The following MMUT variants were observed in gnomAD, a reference collection of about 807,000 sequenced individuals.
The protein encoded by MMUT is methylmalonyl-CoA mutase.
A neutral mutation model predicts 79.9 loss-of-function variants in MMUT; 79 were observed. The observed-to-expected ratio is 0.99, with a 90% CI of 0.82 to 1.19. MMUT has a LOEUF of 1.19. Ranked by LOEUF, MMUT falls within the 50% of genes most tolerant of loss-of-function variation. MMUT has a pLI of 0.00. For missense variants in MMUT, 860 were observed against 917.2 expected (o/e 0.94, Z 0.81); for synonymous variants, 273 against 295.7 (o/e 0.92, Z 0.79).
Position 49,458,050 on chromosome 6 carries a change from G to A in MMUT, c.394C>T (p.Gln132Ter), listed in dbSNP as rs1554160743. Reference protein sequence around the residue: ...FYKDNIKAGQQGLSVAFDLAT... With the variant: ...FYKDNIKAGQ Reference sequence around the variant, plus strand: ...AGATCAAAGGCAACTGATAATCCCTGCTGACCAGCTAAATATATAAAGAAA... The same window carrying A: ...AGATCAAAGGCAACTGATAATCCCTACTGACCAGCTAAATATATAAAGAAA... The change falls in exon 3 of 13, where the codon CAG (glutamine) becomes TAG (stop). Residue 132 changes from glutamine (Q) to a stop codon, truncating the protein, a stop_gained. Transcript: ENST00000274813. LOFTEE classifies it high-confidence loss of function. The A allele has an allele frequency of 1.9e-6, 3 of 1,600,546 alleles. No homozygotes were observed. The highest frequency in any genetic ancestry group is 1.6e-4 in the Middle Eastern group (1 of 6,062).
intron 1 of MMUT, among the ~76,000 whole-genome samples, chr6:49,461,904 T>C (rs1202895629): frequency 6.6e-6 from 1 of 152,120 alleles, no homozygotes; most frequent in Non-Finnish European, 1.5e-5. Flanking sequence ...ATGAAAAAAA[T>C]AATGAAGCAA....
rs112459961 is a variant in MMUT at position 49,450,145 on chromosome 6, C to T, written c.1333-1218G>A. Among the ~76,000 whole-genome samples the T allele has an allele frequency of 5.6e-3, 852 of 151,056 alleles. 5 individuals are homozygous for T. The highest frequency in any genetic ancestry group is 0.018 in the African/African-American group (759 of 41,102). On this transcript the variant is annotated intron_variant, in intron 6 of 12. Coordinates refer to ENST00000274813, the MANE Select transcript of MMUT (RefSeq NM_000255.4). ...ACTCGGGAGGCTGAGACAGGAGAAT[C>T]GCTTGAACTAGGGAGTCAAAAGTTG... is the stretch of plus-strand genomic sequence containing the variant.
intron 8 of MMUT, 121 bp downstream of exon 8, chr6:49,447,549 A>C (rs1233314187): frequency 1.5e-6 from 1 of 656,808 alleles, no homozygotes; most frequent in East Asian, 2.8e-5. Context: ...GAAATGATGG[A>C]AATTAATACA....
At chr6:49,439,030 G>C (rs1767204450) in intron 11 of MMUT, among the ~76,000 whole-genome samples, 1 of 152,110 alleles carries the variant, frequency 6.6e-6, no homozygotes, top group Non-Finnish European at 1.5e-5. Context: ...AAGGCTGAGG[G>C]AGAGAAGGCA....
intron 8 of MMUT, among the ~76,000 whole-genome samples, chr6:49,447,431 T>G (rs2127416697): frequency 6.6e-6 from 1 of 151,944 alleles, no homozygotes; most frequent in African/African-American, 2.4e-5. Context: ...GAGGTAGATA[T>G]CATGGTTTAA....
chr6:49,437,134 C>T (rs1403457617), intron 11 of MMUT, among the ~76,000 whole-genome samples: 1 of 152,064 alleles, frequency 6.6e-6, no homozygotes, highest in Admixed American at 6.6e-5. Flanking sequence ...GGGGGGTCTT[C>T]CTAATGTAAT....
intron 12 of MMUT, 37 bp from the exon 13 acceptor site, chr6:49,431,893 A>G (rs1415341566): frequency 6.2e-7 from 1 of 1,603,460 alleles, no homozygotes; most frequent in South Asian, 1.1e-5. Flanking sequence ...AAGAGCCACT[A>G]TTTCCATTTT....
chr6:49,441,865 T>C lies in MMUT; in HGVS notation c.1783A>G (p.Lys595Glu). The change falls in exon 10 of 13, where the codon AAA (lysine) becomes GAA (glutamate). Residue 595 changes from lysine to glutamate, a missense_variant. Coordinates refer to ENST00000274813, the MANE Select transcript of MMUT (RefSeq NM_000255.4). Reference sequence around the variant, plus strand: ...CTCTTGATAGCAGATGTTATCTCTTTACTTTCTCCAAATTCCTGGCGATAT... The same window carrying C: ...CTCTTGATAGCAGATGTTATCTCTTCACTTTCTCCAAATTCCTGGCGATAT... ...GAYRQEFGES[K>E]EITSAIKRVH... 1 of 1,611,874 alleles carries C rather than the reference T, an allele frequency of 6.2e-7. No individual in the cohort carries two copies. The highest frequency in any genetic ancestry group is 8.5e-7 in the Non-Finnish European group (1 of 1,178,560).
At chr6:49,445,783 T>C (rs1165869188) in intron 8 of MMUT, among the ~76,000 whole-genome samples, 6 of 152,026 alleles carry the variant, frequency 3.9e-5, no homozygotes. Flanking sequence ...GTTAAATCTA[T>C]AGATGTGGAA....
intron 12 of MMUT, among the ~76,000 whole-genome samples, chr6:49,432,599 G>A (rs1009396195): frequency 1.3e-5 from 2 of 152,134 alleles, no homozygotes; most frequent in East Asian, 3.9e-4. Flanking sequence ...ACGTTAGCCA[G>A]GATGGTCTCA....
chr6:49,436,502 G>A (rs956120070), intron 11 of MMUT, among the ~76,000 whole-genome samples: 3 of 151,854 alleles, frequency 2.0e-5, no homozygotes, highest in East Asian at 1.9e-4. Flanking sequence ...ATACTCATAT[G>A]GCTGAGGCAG....
chr6:49,459,639 C>G, intron 1 of MMUT, 134 bp from the exon 2 acceptor site: 1 of 733,388 alleles, frequency 1.4e-6, no homozygotes, highest in South Asian at 1.9e-5. Flanking sequence ...GCTTCCTGCA[C>G]CTGATATTTT....
intron 9 of MMUT, chr6:49,443,818 C>A: frequency 2.3e-6 from 1 of 438,272 alleles, no homozygotes; most frequent in South Asian, 1.6e-5. Context: ...AACACTGAAG[C>A]AGATATAACA....
intron 1 of MMUT, among the ~76,000 whole-genome samples, chr6:49,461,106 G>C (rs1581837579): frequency 6.6e-6 from 1 of 152,154 alleles, no homozygotes; most frequent in African/African-American, 2.4e-5. Flanking sequence ...ATTTCATGTA[G>C]TTATCAAAAT....
rs886061555 is a variant in MMUT, at chr6:49,431,263, G to A, written c.*465C>T. On this transcript the variant is annotated 3_prime_UTR_variant, in exon 13 of 13. Coordinates refer to ENST00000274813, the MANE Select transcript of MMUT (RefSeq NM_000255.4). ...CTCCTCCCAAAATCTCTTTTGCCACGTAAATACACTCCACTAGTTTTTCAA... is the reference window on the plus strand; with the variant it reads ...CTCCTCCCAAAATCTCTTTTGCCACATAAATACACTCCACTAGTTTTTCAA... The A allele has an allele frequency of 2.2e-4, 33 of 152,848 alleles. No individual in the cohort carries two copies. Among genetic ancestry groups the A allele is most frequent in the East Asian group, 1.1e-3 (6 of 5,228 alleles). 9.5% of individuals were successfully genotyped at this position (152,848 alleles called of 1,614,324 possible).
chr6:49,454,542 A>G (rs1312739057), intron 4 of MMUT, among the ~76,000 whole-genome samples: 1 of 152,178 alleles, frequency 6.6e-6, no homozygotes, highest in East Asian at 1.9e-4. Flanking sequence ...TCCTGGCCTC[A>G]TGTGATCTGT....
intron 9 of MMUT, among the ~76,000 whole-genome samples, chr6:49,444,205 T>C (rs1293678143): frequency 6.6e-6 from 1 of 152,012 alleles, no homozygotes; most frequent in African/African-American, 2.4e-5. Flanking sequence ...GCTCTTCCGG[T>C]TGCTTCATGG....
At chr6:49,432,304 T>C (rs527967175) in intron 12 of MMUT, among the ~76,000 whole-genome samples, 2 of 151,254 alleles carry the variant, frequency 1.3e-5, no homozygotes, top group Admixed American at 1.3e-4. Flanking sequence ...GGACAACTGA[T>C]AGATTTTCTA....
chr6:49,453,468 C>A, intron 5 of MMUT, 117 bp downstream of exon 5: 1 of 428,164 alleles, frequency 2.3e-6, no homozygotes. Context: ...GAATATTTAT[C>A]ATTTCAAATA....
Sources: allele counts gnomAD v4.1 joint callset (sites outside exome capture counted in the v4.1 genomes callset), GRCh38; gene constraint gnomAD v4.1.1; transcripts MANE v1.5; gene names NCBI Gene and HGNC (gene_info 2026-07-23, HGNC 2026-07-21).